The following TMEM71 variants were observed in gnomAD, a reference collection of about 807,000 sequenced individuals.
TMEM71 encodes the protein transmembrane protein 71.
TMEM71 carries 44 observed loss-of-function variants against 38.0 expected under a neutral mutation model. That is an observed-to-expected ratio of 1.16 (90% CI 0.91 to 1.49). The LOEUF (loss-of-function observed/expected upper bound fraction) is 1.49, where lower values mean the gene tolerates loss of function less well. Ranked by LOEUF, TMEM71 falls within the 40% of genes most tolerant of loss-of-function variation. The pLI is 0.00. For missense variants in TMEM71, 367 were observed against 348.6 expected, an observed-to-expected ratio of 1.05 and a Z score of -0.42; for synonymous variants, 133 against 122.5, an observed-to-expected ratio of 1.09 and a Z score of -0.56.
chr8:132,747,901 C>G (rs573463505), intron 4 of TMEM71, among the ~76,000 whole-genome samples: 10 of 152,296 alleles, frequency 6.6e-5, no homozygotes, highest in Non-Finnish European at 1.3e-4. Flanking sequence ...AGCATGGCTA[C>G]AGGGAACAGA....
intron 7 of TMEM71, among the ~76,000 whole-genome samples, chr8:132,717,640 G>A (rs1826605830): frequency 6.6e-6 from 1 of 152,170 alleles, no homozygotes; most frequent in African/African-American, 2.4e-5. Flanking sequence ...ATTGCTGGTG[G>A]GGGTGGGAGT....
At chr8:132,748,124 G>C (rs1381260487) in intron 4 of TMEM71, among the ~76,000 whole-genome samples, 1 of 152,218 alleles carries the variant, frequency 6.6e-6, no homozygotes, top group Non-Finnish European at 1.5e-5. Flanking sequence ...GGTTGAGTGG[G>C]ACAGCTTTCC....
intron 8 of TMEM71, 32 bp from the exon 9 acceptor site, chr8:132,714,084 C>T: frequency 1.2e-6 from 2 of 1,612,626 alleles, no homozygotes; most frequent in Non-Finnish European, 1.7e-6. Context: ...ATTTTAAAAT[C>T]ATTTTAAAGT....
chr8:132,772,042 T>G, the TMEM71 span, among the ~76,000 whole-genome samples: 2 of 152,170 alleles, frequency 1.3e-5, no homozygotes, highest in African/African-American at 4.8e-5. Context: ...TAAACTAACC[T>G]TAAAAAAAAC....
At chr8:132,759,521 G>A (rs1205662470) in intron 1 of TMEM71, 3 of 152,144 alleles carry the variant, frequency 2.0e-5, no homozygotes, top group African/African-American at 7.2e-5. Flanking sequence ...TTCCCATGAA[G>A]ACATGATTTA....
the TMEM71 span, among the ~76,000 whole-genome samples, chr8:132,773,917 A>C: frequency 6.6e-6 from 1 of 152,146 alleles, no homozygotes; most frequent in African/African-American, 2.4e-5. Context: ...TAAAATAATA[A>C]ATATTTATTT....
At chr8:132,716,520 C>A (rs1399277662) in intron 7 of TMEM71, among the ~76,000 whole-genome samples, 1 of 152,160 alleles carries the variant, frequency 6.6e-6, no homozygotes, top group Non-Finnish European at 1.5e-5. Flanking sequence ...CTCTTTTTAT[C>A]CTGTAATAAA....
chr8:132,734,626 G>A lies in TMEM71; in HGVS notation c.488-6640C>T, dbSNP rs148530450. Among the ~76,000 whole-genome samples, 32 of 152,244 alleles carry A rather than the reference G, an allele frequency of 2.1e-4. No homozygotes were observed. The East Asian group carries it at 2.3e-3, about 11-fold the overall frequency. On this transcript the variant is annotated intron_variant, in intron 5 of 9. Transcript: ENST00000677595. ...GAAAGAAAATATGGTATTCAACAGA[G>A]AAACCACAAAAAAGTCTTAACATTC...
rs762320551 is a variant in TMEM71 at position 132,727,900 on chromosome 8, GGCTGGAAGAGGA to G, written c.562_573del (p.Ser188_Ser191del). On this transcript the variant is annotated inframe_deletion, in exon 6 of 10. Coordinates refer to ENST00000677595, the MANE Select transcript of TMEM71 (RefSeq NM_001382403.1). ...CCTCCAGGAGGCTGAGATATGATGTGGCTGGAAGAGGAGGTGATCACAGACTCTGCATTCATC... is the reference window on the plus strand; with the variant it reads ...CCTCCAGGAGGCTGAGATATGATGTGGGTGATCACAGACTCTGCATTCATC... The G allele has an allele frequency of 6.2e-7, 1 of 1,614,100 alleles. No individual in the cohort carries two copies. Among genetic ancestry groups the G allele is most frequent in the Non-Finnish European group, 8.5e-7 (1 of 1,179,962 alleles).
chr8:132,738,137 C>G (rs762816670), intron 5 of TMEM71, among the ~76,000 whole-genome samples: 1 of 130,224 alleles, frequency 7.7e-6, no homozygotes, highest in Non-Finnish European at 1.7e-5. Context: ...TTTCATCCTC[C>G]CCATTCTATA....
intron 5 of TMEM71, among the ~76,000 whole-genome samples, chr8:132,735,550 G>T (rs1405122618): frequency 4.6e-5 from 7 of 152,102 alleles, no homozygotes; most frequent in Non-Finnish European, 7.4e-5. Context: ...TGTGCGCCCA[G>T]GTTGACTAAT....
At chr8:132,775,385 G>C in the TMEM71 span, 2 of 374,352 alleles carry the variant, frequency 5.3e-6, no homozygotes, top group African/African-American at 2.1e-5. Context: ...CCGGCGTCGC[G>C]TCAGGGCTGG....
At chr8:132,736,845 T>C (rs1390219870) in intron 5 of TMEM71, among the ~76,000 whole-genome samples, 1 of 149,644 alleles carries the variant, frequency 6.7e-6, no homozygotes, top group African/African-American at 2.5e-5. Context: ...AAAAAAAAAA[T>C]TGCTGAGAGA....
At chr8:132,735,041 A>G (rs926326251) in intron 5 of TMEM71, among the ~76,000 whole-genome samples, 1 of 152,212 alleles carries the variant, frequency 6.6e-6, no homozygotes, top group African/African-American at 2.4e-5. Flanking sequence ...AGCTCAGGTG[A>G]CTTGCCTGGA....
intron 5 of TMEM71, among the ~76,000 whole-genome samples, chr8:132,732,087 A>G (rs752400259): frequency 6.6e-6 from 1 of 152,214 alleles, no homozygotes; most frequent in Non-Finnish European, 1.5e-5. Context: ...GGAAGAAGGA[A>G]GTCAAATTAG....
chr8:132,759,035 C>T, intron 1 of TMEM71, 120 bp from the exon 2 acceptor site: 1 of 644,542 alleles, frequency 1.6e-6, no homozygotes, highest in Non-Finnish European at 2.7e-6. Context: ...TACAGAGATA[C>T]AGAATTGAAG....
chr8:132,746,376 C>CAT (rs1201843904), intron 5 of TMEM71, among the ~76,000 whole-genome samples: 13 of 18,756 alleles, frequency 6.9e-4, no homozygotes, highest in African/African-American at 1.2e-3. Flanking sequence ...CATATATATA[C>CAT]ATATATATAT....
chr8:132,729,727 A>G (rs1045100783), intron 5 of TMEM71, among the ~76,000 whole-genome samples: 7 of 152,212 alleles, frequency 4.6e-5, no homozygotes, highest in African/African-American at 1.7e-4. Flanking sequence ...TCTATGGATT[A>G]AATGACATTA....
upstream of TMEM71, among the ~76,000 whole-genome samples, chr8:132,763,463 A>G (rs1829327437): frequency 6.6e-6 from 1 of 152,210 alleles, no homozygotes; most frequent in Non-Finnish European, 1.5e-5. Context: ...CAATGTTTCT[A>G]AAAGCATGTT....
Sources: gnomAD v4.1 joint callset for allele counts (sites outside exome capture counted in the v4.1 genomes callset) on GRCh38, gnomAD v4.1.1 for gene constraint, MANE v1.5 for transcripts, NCBI Gene and HGNC (gene_info 2026-07-23, HGNC 2026-07-21) for gene names.